Variants in NIPSNAP2 observed in about 807,000 individuals in gnomAD.
The protein encoded by NIPSNAP2 is protein NipSnap homolog 2.
Under a neutral mutation model 48.4 loss-of-function variants are expected in NIPSNAP2, and 42 were observed. The ratio of observed to expected loss-of-function variants is 0.87; its 90% CI spans 0.68 to 1.12. The LOEUF (loss-of-function observed/expected upper bound fraction) is 1.12, where lower values mean the gene tolerates loss of function less well. Ranked by LOEUF, NIPSNAP2 falls within the 50% of genes most tolerant of loss-of-function variation. The pLI, the probability that NIPSNAP2 is intolerant of heterozygous loss-of-function variation, is 0.00. For missense variants in NIPSNAP2, 314 were observed against 347.3 expected (o/e 0.90, Z 0.76); for synonymous variants, 158 against 126.6 (o/e 1.25, Z -1.67).
chr7:55,970,612 G>A (rs946601673), intron 1 of NIPSNAP2, among the ~76,000 whole-genome samples: 3 of 151,886 alleles, frequency 2.0e-5, no homozygotes, highest in Admixed American at 6.6e-5. Context: ...GCGCTTGTCC[G>A]ACACTTATAT....
At chr7:55,981,427 A>C (rs759697405) in intron 3 of NIPSNAP2, 46 bp from the exon 4 acceptor site, 1 of 1,469,188 alleles carries the variant, frequency 6.8e-7, no homozygotes, top group Non-Finnish European at 9.5e-7. Flanking sequence ...CACCTGGTCA[A>C]ATTTTGCTGG....
intron 1 of NIPSNAP2, among the ~76,000 whole-genome samples, chr7:55,968,704 A>G (rs1305479606): frequency 3.3e-5 from 5 of 152,106 alleles, no homozygotes; most frequent in Non-Finnish European, 7.4e-5. Context: ...CCAAAACTCT[A>G]CTTTCAAATG....
At chr7:55,975,436 G>C (rs1787090785) in intron 1 of NIPSNAP2, among the ~76,000 whole-genome samples, 2 of 152,126 alleles carry the variant, frequency 1.3e-5, no homozygotes, top group South Asian at 4.1e-4. Flanking sequence ...AAAAGGGATT[G>C]TGCAGAAAGA....
At chr7:55,996,051 G>A (rs1349265203) in intron 8 of NIPSNAP2, among the ~76,000 whole-genome samples, 1 of 152,156 alleles carries the variant, frequency 6.6e-6, no homozygotes. Context: ...ACTTTGGGAG[G>A]CCGAGGCAGG....
At chr7:55,985,041 A>G (rs1787298371) in intron 7 of NIPSNAP2, among the ~76,000 whole-genome samples, 163 bp downstream of exon 7, 1 of 152,182 alleles carries the variant, frequency 6.6e-6, no homozygotes, top group Non-Finnish European at 1.5e-5. Context: ...AACATACAAA[A>G]CTAGAGAGAA....
chr7:55,970,153 A>C (rs1030837726), intron 1 of NIPSNAP2, among the ~76,000 whole-genome samples: 2 of 151,560 alleles, frequency 1.3e-5, no homozygotes, highest in East Asian at 1.9e-4. Flanking sequence ...CCCCACTGCC[A>C]TCTTAACCCC....
At chr7:55,970,812 T>C (rs1787002340) in intron 1 of NIPSNAP2, among the ~76,000 whole-genome samples, 2 of 152,098 alleles carry the variant, frequency 1.3e-5, no homozygotes, top group Admixed American at 1.3e-4. Flanking sequence ...ACCTGCCTTC[T>C]CCACCTGTCT....
At chr7:55,972,748 T>A (rs1175674737) in intron 1 of NIPSNAP2, among the ~76,000 whole-genome samples, 1 of 152,074 alleles carries the variant, frequency 6.6e-6, no homozygotes, top group Non-Finnish European at 1.5e-5. Flanking sequence ...ATTAAACAGA[T>A]ATCCCTAAAT....
At chr7:55,970,577 G>A (rs1786998704) in intron 1 of NIPSNAP2, among the ~76,000 whole-genome samples, 1 of 152,032 alleles carries the variant, frequency 6.6e-6, no homozygotes, top group Non-Finnish European at 1.5e-5. Context: ...CTCTCAAAGT[G>A]CTGGGATTAC....
chr7:55,998,910 G>A, intron 9 of NIPSNAP2, 98 bp from the exon 10 acceptor site: 1 of 994,322 alleles, frequency 1.0e-6, no homozygotes, highest in African/African-American at 1.6e-5. Context: ...TTTTCAAGCA[G>A]CACATCTGTG....
Position 55,983,871 on chromosome 7 carries a change from A to G in NIPSNAP2, c.585+3A>G, listed in dbSNP as rs576432730. 8.1e-6 allele frequency: 13 copies of G among 1,611,298 alleles called. No homozygotes were observed. The highest frequency in any genetic ancestry group is 1.1e-5 in the Non-Finnish European group (13 of 1,179,038). On this transcript the variant is annotated splice_donor_region_variant and intron_variant, in intron 6 of 9. Transcript: ENST00000322090. Reference sequence around the variant, plus strand: ...AACTCAGGTCTTACCAACTCCGAGTAAGTACAGAAATATAAGTTATTCCTT... The same window carrying G: ...AACTCAGGTCTTACCAACTCCGAGTGAGTACAGAAATATAAGTTATTCCTT...
intron 8 of NIPSNAP2, among the ~76,000 whole-genome samples, chr7:55,996,291 A>AAG (rs1295703084): frequency 6.6e-6 from 1 of 151,730 alleles, no homozygotes; most frequent in African/African-American, 2.4e-5. Context: ...GTCTCAAAAA[A>AAG]AAAAAAAAAA....
At chr7:55,976,810 C>G (rs73138747) in intron 1 of NIPSNAP2, among the ~76,000 whole-genome samples, 2 of 152,144 alleles carry the variant, frequency 1.3e-5, no homozygotes, top group Non-Finnish European at 2.9e-5. Context: ...ATCACTTGAG[C>G]CCAGGAATTT....
chr7:55,968,098 A>G (rs1786936327), intron 1 of NIPSNAP2, among the ~76,000 whole-genome samples: 1 of 152,074 alleles, frequency 6.6e-6, no homozygotes, highest in Admixed American at 6.6e-5. Flanking sequence ...CCACACGTCT[A>G]AAGAATTCTA....
chr7:55,977,809 G>A (rs945420444), intron 1 of NIPSNAP2, among the ~76,000 whole-genome samples: 4 of 151,798 alleles, frequency 2.6e-5, no homozygotes, highest in East Asian at 1.9e-4. Flanking sequence ...GGCAACCTCC[G>A]TTCTGCTTTC....
At chr7:55,991,763 A>ATATATATATATATATATATAT (rs1312676530) in intron 7 of NIPSNAP2, 2 of 153,774 alleles carry the variant, frequency 1.3e-5, no homozygotes, top group African/African-American at 2.8e-5. Flanking sequence ...AAAAAAAAAA[A>ATATATATATATATATATATAT]AAATATATAT....
intron 3 of NIPSNAP2, chr7:55,979,044 G>A (rs1207024518): frequency 6.6e-6 from 1 of 152,226 alleles, no homozygotes; most frequent in African/African-American, 2.4e-5. Flanking sequence ...AAGGTTTTTA[G>A]TTTTGTTTTG....
chr7:55,985,916 T>C (rs2116360024), intron 7 of NIPSNAP2, among the ~76,000 whole-genome samples: 1 of 151,938 alleles, frequency 6.6e-6, no homozygotes, highest in East Asian at 1.9e-4. Flanking sequence ...AGCGTGGTGG[T>C]GCACTCCTGT....
chr7:55,989,861 C>T (rs1025104962), intron 7 of NIPSNAP2, among the ~76,000 whole-genome samples: 12 of 151,548 alleles, frequency 7.9e-5, no homozygotes, highest in African/African-American at 2.7e-4. Flanking sequence ...AATCCCAGCA[C>T]TTTGGGAGGC....
Sources: allele counts gnomAD v4.1 joint callset (sites outside exome capture counted in the v4.1 genomes callset), GRCh38; gene constraint gnomAD v4.1.1; transcripts MANE v1.5; gene names NCBI Gene and HGNC (gene_info 2026-07-23, HGNC 2026-07-21).